The following RBKS variants were observed in gnomAD, a reference collection of about 807,000 sequenced individuals.
RBKS encodes the protein ribokinase.
A neutral mutation model predicts 33.9 loss-of-function variants in RBKS; 33 were observed. The observed-to-expected ratio is 0.97, with a 90% CI of 0.74 to 1.30. The LOEUF is 1.30. RBKS is among the 50% of genes most tolerant of loss of function. The pLI is 0.00. For missense variants in RBKS, 361 were observed against 392.6 expected, an observed-to-expected ratio of 0.92 and a Z score of 0.68; for synonymous variants, 125 against 143.0, an observed-to-expected ratio of 0.87 and a Z score of 0.90.
intron 7 of RBKS, among the ~76,000 whole-genome samples, chr2:27,789,766 T>C (rs1677471386): frequency 6.6e-6 from 1 of 151,158 alleles, no homozygotes; most frequent in South Asian, 2.1e-4. Flanking sequence ...GATTTCACCA[T>C]ATTGGCCAGC....
chr2:27,890,373 G>T lies in RBKS; in HGVS notation c.-28C>A. 1 of 1,603,950 alleles carries T rather than the reference G, an allele frequency of 6.2e-7. No individual in the cohort carries two copies. On this transcript the variant is annotated 5_prime_UTR_variant, in exon 1 of 8. Transcript: ENST00000302188. The surrounding 1 kb of genome is among the most constrained non-coding windows in gnomAD (Gnocchi z 4.8). ...CTCAAAGGTGCTGCTGTCCAACCTG[G>T]ACGGTGACCTCTGCCCTTTGCCCGA...
In RBKS at chr2:27,781,698, A is replaced by C. The variant is rs765851626; in HGVS notation, c.886T>G (p.Phe296Val). The C allele has an allele frequency of 1.2e-6, 2 of 1,614,070 alleles. No individual in the cohort carries two copies. Among genetic ancestry groups the C allele is most frequent in the Non-Finnish European group, 1.7e-6 (2 of 1,179,992 alleles). Residue 296 changes from phenylalanine to valine, a missense_variant, in exon 8 of 8, where the codon TTC becomes GTC. Phe to Val is a conservative substitution (Grantham distance 50). Coordinates refer to ENST00000302188, the MANE Select transcript of RBKS (RefSeq NM_022128.3). The part of the protein sequence containing the change: ...SLEDMLNRSN[F>V]IAAVSVQAAG... ...GCCTGGACACTGACTGCTGCAATGA[A>C]ATTGGATCTGTTGAGCATGTCTTCC...
chr2:27,865,164 C>CA (rs1233862550), intron 1 of RBKS, among the ~76,000 whole-genome samples: 2 of 152,016 alleles, frequency 1.3e-5, no homozygotes, highest in African/African-American at 4.8e-5. Context: ...ACTAAAAATA[C>CA]AAAAAATTAG....
chr2:27,848,029 T>G lies in RBKS; in HGVS notation c.286+5A>C, dbSNP rs779552562. 4 of 1,435,942 alleles carry G rather than the reference T, an allele frequency of 2.8e-6. No individual in the cohort carries two copies. The highest frequency in any genetic ancestry group is 1.7e-4 in the Middle Eastern group (1 of 5,742). The allele number at this position is 1,435,942 out of a possible 1,614,324, so 89.0% of individuals were successfully genotyped here. On this transcript the variant is annotated splice_donor_5th_base_variant and intron_variant, in intron 3 of 7. Transcript: ENST00000302188. ...CACTAACTTTAAAAAAGGTGGGAAT[T>G]TTACCTGTAGAAATATCATTCTGTT...
At chr2:27,803,179 A>C (rs1677832692) in intron 7 of RBKS, among the ~76,000 whole-genome samples, 1 of 152,164 alleles carries the variant, frequency 6.6e-6, no homozygotes, top group Non-Finnish European at 1.5e-5. Context: ...TTCTATCATA[A>C]GGATGAGATC....
At chr2:27,876,604 A>G (rs147322916) in intron 1 of RBKS, among the ~76,000 whole-genome samples, 1,814 of 152,270 alleles carry the variant, frequency 0.012, 32 homozygotes, top group African/African-American at 0.041. Flanking sequence ...TAATGTACCT[A>G]AAGTAGTCAA....
At chr2:27,885,946 G>A (rs1294001278) in intron 1 of RBKS, among the ~76,000 whole-genome samples, 1 of 152,208 alleles carries the variant, frequency 6.6e-6, no homozygotes, top group East Asian at 1.9e-4. Flanking sequence ...AGGCCTATGA[G>A]CCTAACGTCT....
At chr2:27,803,668 C>A (rs1262690994) in intron 7 of RBKS, among the ~76,000 whole-genome samples, 2 of 150,756 alleles carry the variant, frequency 1.3e-5, no homozygotes, top group South Asian at 4.2e-4. Flanking sequence ...TTGTGCCACT[C>A]CATCCTGGGT....
At chr2:27,814,446 G>A (rs944193067) in intron 7 of RBKS, among the ~76,000 whole-genome samples, 15 of 152,224 alleles carry the variant, frequency 9.9e-5, no homozygotes, top group Admixed American at 2.6e-4. Context: ...ATAAAAGGAG[G>A]AAAGGAAGGA....
intron 1 of RBKS, among the ~76,000 whole-genome samples, chr2:27,881,619 C>A (rs1052450325): frequency 6.6e-6 from 1 of 151,788 alleles, no homozygotes; most frequent in African/African-American, 2.4e-5. Flanking sequence ...CCAAGGCAAT[C>A]CTAAGGAAAA....
At chr2:27,797,143 C>T (rs1037150710) in intron 7 of RBKS, among the ~76,000 whole-genome samples, 1 of 152,236 alleles carries the variant, frequency 6.6e-6, no homozygotes, top group Non-Finnish European at 1.5e-5. Context: ...CAGAGTCAGG[C>T]TCTCTGCTGA....
At chr2:27,884,203 C>CA (rs1411902475) in intron 1 of RBKS, among the ~76,000 whole-genome samples, 2 of 152,172 alleles carry the variant, frequency 1.3e-5, no homozygotes, top group Non-Finnish European at 2.9e-5. Context: ...ACAAAGTACT[C>CA]TATTATGTCA....
At chr2:27,858,289 T>A in intron 2 of RBKS, 150 bp downstream of exon 2, 1 of 625,160 alleles carries the variant, frequency 1.6e-6, no homozygotes, top group Admixed American at 3.4e-5. Flanking sequence ...AAGACAGAAG[T>A]GGTGGTTGAA....
intron 2 of RBKS, 30 bp from the exon 3 acceptor site, chr2:27,848,127 C>T (rs1663659378): frequency 1.6e-6 from 2 of 1,265,736 alleles, no homozygotes; most frequent in East Asian, 4.7e-5. Context: ...AATATTAGAT[C>T]TTTTAGAGTT....
chr2:27,871,933 A>C (rs1240305501), intron 1 of RBKS, among the ~76,000 whole-genome samples: 1 of 152,200 alleles, frequency 6.6e-6, no homozygotes, highest in Non-Finnish European at 1.5e-5. Flanking sequence ...TTAGATCATC[A>C]GGCGTTAGAT....
Position 27,793,128 on chromosome 2 carries a change from T to C in RBKS, c.796-11340A>G, listed in dbSNP as rs185646068. ...AAATGTTATTAAGAATCCACAAGTCTATACTGATATAAAATAAATAAATAT... is the reference window on the plus strand; with the variant it reads ...AAATGTTATTAAGAATCCACAAGTCCATACTGATATAAAATAAATAAATAT... On this transcript the variant is annotated intron_variant, in intron 7 of 7. Coordinates refer to ENST00000302188, the MANE Select transcript of RBKS (RefSeq NM_022128.3). 2.5e-3 allele frequency among the ~76,000 whole-genome samples: 382 copies of C among 152,354 alleles called. 4 individuals carry two copies. Among genetic ancestry groups the C allele is most frequent in the Non-Finnish European group, 3.2e-3 (221 of 68,032 alleles).
chr2:27,871,747 G>A (rs915639087), intron 1 of RBKS, among the ~76,000 whole-genome samples: 28 of 152,186 alleles, frequency 1.8e-4, no homozygotes, highest in African/African-American at 6.8e-4. Flanking sequence ...CCACTATAAA[G>A]TTAAGCCTGC....
intron 7 of RBKS, among the ~76,000 whole-genome samples, chr2:27,798,425 C>G (rs780833167): frequency 6.6e-5 from 10 of 152,180 alleles, no homozygotes; most frequent in Non-Finnish European, 1.3e-4. Context: ...CACCTCCACA[C>G]TGAAAACCTG....
At chr2:27,788,178 C>A (rs1677438526) in intron 7 of RBKS, among the ~76,000 whole-genome samples, 1 of 152,144 alleles carries the variant, frequency 6.6e-6, no homozygotes, top group Non-Finnish European at 1.5e-5. Flanking sequence ...TGGGAACAAT[C>A]AAAGATGTCT....
Sources: gnomAD v4.1 joint callset for allele counts (sites outside exome capture counted in the v4.1 genomes callset) on GRCh38, gnomAD v4.1.1 for gene constraint, Gnocchi (gnomAD v3.1) non-coding constraint, MANE v1.5 for transcripts, NCBI Gene and HGNC (gene_info 2026-07-23, HGNC 2026-07-21) for gene names.